AFAP1: variants seen among roughly 807,000 people sequenced by gnomAD.
The protein encoded by AFAP1 is actin filament-associated protein 1.
In AFAP1, 75 loss-of-function variants were observed where a neutral mutation model predicts 93.9. The ratio of observed to expected loss-of-function variants is 0.80; its 90% confidence interval spans 0.66 to 0.97. AFAP1 has a LOEUF of 0.97. Ranked by LOEUF, AFAP1 falls within the 50% of genes least tolerant of loss-of-function variation. AFAP1 has a pLI of 0.00. For missense variants in AFAP1, 1,201 were observed against 1,050.8 expected (o/e 1.14, Z -1.98); for synonymous variants, 517 against 430.7 (o/e 1.20, Z -2.48).
Position 7,809,733 on chromosome 4 carries a change from G to A in AFAP1, c.935C>T (p.Ala312Val), listed in dbSNP as rs772478196. 2 of 1,613,598 alleles carry A rather than the reference G, an allele frequency of 1.2e-6. No homozygotes were observed. Among genetic ancestry groups the A allele is most frequent in the South Asian group, 1.1e-5 (1 of 91,012 alleles). The change falls in exon 9 of 18, where the codon GCC (alanine) becomes GTC (valine). Residue 312 changes from alanine (A) to valine (V), a missense_variant. By Grantham distance (64) the Ala-to-Val change is moderately conservative. Coordinates refer to ENST00000420658, the MANE Select transcript of AFAP1 (RefSeq NM_001134647.2). ...VKRKKSSKSE[A>V]KGTVSKVTGK... ...AGTGACTTTCGACACAGTGCCCTTG[G>A]CCTCTGATTTGGAACTTTTCTTCCT...
At chr4:7,854,205 T>C (rs28422989) in intron 4 of AFAP1, among the ~76,000 whole-genome samples, 16,011 of 152,262 alleles carry the variant, frequency 0.11, 1,170 homozygotes, top group African/African-American at 0.21. Flanking sequence ...TTCTAATTAA[T>C]CTACTGTCTT....
At chr4:7,768,146 G>A (rs982434778) in intron 17 of AFAP1, among the ~76,000 whole-genome samples, 4 of 152,252 alleles carry the variant, frequency 2.6e-5, no homozygotes, top group Admixed American at 2.6e-4. Flanking sequence ...CCGTGTTCCA[G>A]CCCCTCGGGG....
chr4:7,880,632 C>T (rs62289341), intron 1 of AFAP1, among the ~76,000 whole-genome samples: 36,242 of 152,030 alleles, frequency 0.24, 4,821 homozygotes, highest in Middle Eastern at 0.32. Flanking sequence ...GAAAGGCGGC[C>T]TGGAGTCACA....
At chr4:7,841,905 G>A (rs1713060407) in intron 5 of AFAP1, among the ~76,000 whole-genome samples, 2 of 151,812 alleles carry the variant, frequency 1.3e-5, no homozygotes, top group South Asian at 2.1e-4. Context: ...TGAGGGAGAG[G>A]AGGGCAGGGG....
At chr4:7,933,706 A>G (rs1398880587) in intron 1 of AFAP1, among the ~76,000 whole-genome samples, 1 of 152,228 alleles carries the variant, frequency 6.6e-6, no homozygotes, top group East Asian at 1.9e-4. Flanking sequence ...TGCAAAGACC[A>G]GATAGAGGCC....
In AFAP1 at chr4:7,872,939, TA is replaced by T. The variant is rs1181240219; in HGVS notation, c.-2-860del. ...AGGTTTTTTTTCCTTTTTTTTTTTT[TA>T]AAAAAAAAAAAAAAAAAAAACTACT... On this transcript the variant is annotated intron_variant, in intron 1 of 17. Coordinates refer to ENST00000420658, the MANE Select transcript of AFAP1 (RefSeq NM_001134647.2). Among the ~76,000 whole-genome samples, 957 of 110,006 alleles carry T rather than the reference TA, an allele frequency of 8.7e-3. 9 individuals are homozygous for T. Among genetic ancestry groups the T allele is most frequent in the East Asian group, 0.056 (196 of 3,478 alleles). The allele number at this position is 110,006 out of a possible 152,430, so 72.2% of individuals were successfully genotyped here. A position where few individuals can be genotyped will look rare whatever the true frequency, so the allele number is the denominator to read the frequency against.
chr4:7,821,535 G>T (rs59513878), intron 6 of AFAP1, among the ~76,000 whole-genome samples: 12,940 of 152,166 alleles, frequency 0.085, 1,155 homozygotes, highest in East Asian at 0.48. Flanking sequence ...CTGTGATCAC[G>T]GGGGACGTGC....
chr4:7,781,528 G>A lies in AFAP1; in HGVS notation c.1630C>T (p.His544Tyr), dbSNP rs2148984808. 1 of 1,552,178 alleles carries A rather than the reference G, an allele frequency of 6.4e-7. No individual in the cohort carries two copies. ...GCAGGAGAGTAGCGGGCAAAGATGT[G>A]CGGAGGCGGCAAGTTATCGTACAGG... ...AGLYDNLPPP[H>Y]IFARYSPADR... The change falls in exon 13 of 18, where the codon CAC (histidine) becomes TAC (tyrosine). Residue 544 changes from histidine to tyrosine, a missense_variant. Transcript: ENST00000420658.
intron 6 of AFAP1, among the ~76,000 whole-genome samples, chr4:7,820,866 C>A (rs1720914925): frequency 1.3e-5 from 2 of 152,144 alleles, no homozygotes; most frequent in African/African-American, 4.8e-5. Context: ...CACCTGTAAT[C>A]CCAATGCTTT....
chr4:7,869,050 G>C (rs1263700050), intron 2 of AFAP1, among the ~76,000 whole-genome samples: 4 of 129,720 alleles, frequency 3.1e-5, no homozygotes, highest in Non-Finnish European at 6.6e-5. Context: ...AAAGAAAAGA[G>C]AAAGAGAAAG....
intron 6 of AFAP1, among the ~76,000 whole-genome samples, chr4:7,823,776 C>A (rs908808309): frequency 5.3e-5 from 8 of 152,184 alleles, no homozygotes; most frequent in Non-Finnish European, 1.0e-4. Flanking sequence ...ACTCACATTG[C>A]CCCAGGAAAA....
At chr4:7,871,143 T>C (rs904830680) in intron 2 of AFAP1, among the ~76,000 whole-genome samples, 2 of 152,154 alleles carry the variant, frequency 1.3e-5, no homozygotes, top group Non-Finnish European at 2.9e-5. Flanking sequence ...CTTAGCAGGC[T>C]TTCTTATTGC....
Position 7,816,030 on chromosome 4 carries a change from CA to C in AFAP1, c.891del (p.Asn297LysfsTer6). 1 of 1,612,486 alleles carries C rather than the reference CA, an allele frequency of 6.2e-7. No individual in the cohort carries two copies. The highest frequency in any genetic ancestry group is 8.5e-7 in the Non-Finnish European group (1 of 1,179,500). On this transcript the variant is annotated frameshift_variant, in exon 8 of 18. Transcript: ENST00000420658. LOFTEE classifies it high-confidence loss of function. Reference sequence around the variant, plus strand: ...AAGCAGAACTCACCTTGCTCCTTTCCATTACATGTGGTAATTCCATTTTCCA... The same window carrying C: ...AAGCAGAACTCACCTTGCTCCTTTCCTTACATGTGGTAATTCCATTTTCCA... ...GVVENGITTC[N>X]GKEQVKRKKS...
At chr4:7,767,870 T>G (rs1714829315) in intron 17 of AFAP1, among the ~76,000 whole-genome samples, 1 of 152,190 alleles carries the variant, frequency 6.6e-6, no homozygotes, top group African/African-American at 2.4e-5. Context: ...GCCCAGGAGT[T>G]TGATACCAGC....
At chr4:7,797,375 A>G (rs1169759919) in intron 10 of AFAP1, among the ~76,000 whole-genome samples, 2 of 152,162 alleles carry the variant, frequency 1.3e-5, no homozygotes, top group Non-Finnish European at 2.9e-5. Flanking sequence ...CAGTGGGGAA[A>G]CCTTACCCAA....
intron 17 of AFAP1, among the ~76,000 whole-genome samples, chr4:7,768,410 C>T (rs577741927): frequency 5.3e-5 from 8 of 152,316 alleles, no homozygotes; most frequent in African/African-American, 1.4e-4. Context: ...ATGCAGCTGG[C>T]GGTGCTAGGG....
At chr4:7,793,257 T>C (rs1577214541) in intron 11 of AFAP1, among the ~76,000 whole-genome samples, 1 of 152,216 alleles carries the variant, frequency 6.6e-6, no homozygotes, top group Non-Finnish European at 1.5e-5. Flanking sequence ...TGTAGAATCA[T>C]TTCTGCTTCG....
chr4:7,929,146 G>C (rs952633872), intron 1 of AFAP1, among the ~76,000 whole-genome samples: 2 of 152,206 alleles, frequency 1.3e-5, no homozygotes, highest in Non-Finnish European at 2.9e-5. Flanking sequence ...GCCTTGCTTT[G>C]CAGATGAAAT....
At chr4:7,887,680 T>C (rs1257804436) in intron 1 of AFAP1, among the ~76,000 whole-genome samples, 5 of 152,228 alleles carry the variant, frequency 3.3e-5, no homozygotes, top group African/African-American at 1.2e-4. Context: ...CTCAGAATAT[T>C]CACGTACGCA....
Sources: gnomAD v4.1 joint callset for allele counts (sites outside exome capture counted in the v4.1 genomes callset) on GRCh38, gnomAD v4.1.1 for gene constraint, MANE v1.5 for transcripts, NCBI Gene and HGNC (gene_info 2026-07-23, HGNC 2026-07-21) for gene names.